Variants in C8orf34 observed in about 807,000 individuals in gnomAD.
The protein encoded by C8orf34 is chromosome 8 open reading frame 34.
C8orf34 carries 65 observed loss-of-function variants against 68.3 expected under a neutral mutation model. The ratio of observed to expected loss-of-function variants is 0.95; its 90% CI spans 0.78 to 1.17. The LOEUF (loss-of-function observed/expected upper bound fraction) is 1.17. C8orf34 is among the 50% of genes most tolerant of loss of function. The pLI, the probability that C8orf34 is intolerant of heterozygous loss-of-function variation, is 0.00. For synonymous variants in C8orf34, 244 were observed against 241.2 expected, an observed-to-expected ratio of 1.01 and a Z score of -0.11; for missense variants, 664 against 655.4, an observed-to-expected ratio of 1.01 and a Z score of -0.14.
Position 68,757,624 on chromosome 8 carries a change from A to AAAAT in C8orf34, c.1405-18751_1405-18748dup, listed in dbSNP as rs150094375. 8.4e-4 allele frequency among the ~76,000 whole-genome samples: 127 copies of AAAAT among 151,942 alleles called. 1 individual carries two copies. Among genetic ancestry groups the AAAAT allele is most frequent in the East Asian group, 2.2e-3 (11 of 5,062 alleles). ...CAATAGAGTGAGACTCCGTCTCAAA[A>AAAAT]AAATAAATAAATAAATAAATAAATA... On this transcript the variant is annotated intron_variant, in intron 10 of 13. Transcript: ENST00000518698.
chr8:68,775,669 C>T (rs1477491172), intron 10 of C8orf34, among the ~76,000 whole-genome samples: 1 of 152,178 alleles, frequency 6.6e-6, no homozygotes, highest in Non-Finnish European at 1.5e-5. Flanking sequence ...GATCGTCACA[C>T]AAATTTATAG....
intron 9 of C8orf34, among the ~76,000 whole-genome samples, chr8:68,710,668 C>A (rs2130967417): frequency 6.6e-6 from 1 of 152,298 alleles, no homozygotes; most frequent in East Asian, 1.9e-4. Flanking sequence ...CCTATCTCTG[C>A]TCCCAACTGG....
chr8:68,751,893 T>C (rs920928844), intron 10 of C8orf34, among the ~76,000 whole-genome samples: 1 of 151,512 alleles, frequency 6.6e-6, no homozygotes, highest in Non-Finnish European at 1.5e-5. Context: ...ATTATTATAT[T>C]ACAAATAAAC....
intron 1 of C8orf34, among the ~76,000 whole-genome samples, chr8:68,436,658 T>C (rs960711388): frequency 2.0e-5 from 3 of 152,202 alleles, no homozygotes; most frequent in African/African-American, 7.2e-5. Flanking sequence ...TGCCGTTTCC[T>C]ACTGGTGTTC....
At chr8:68,365,133 C>T in intron 1 of C8orf34, among the ~76,000 whole-genome samples, 1 of 143,392 alleles carries the variant, frequency 7.0e-6, no homozygotes, top group East Asian at 2.2e-4. Flanking sequence ...CGCAAATAAA[C>T]TAGAAAATCT....
intron 7 of C8orf34, among the ~76,000 whole-genome samples, chr8:68,617,943 T>C (rs1343835866): frequency 6.6e-6 from 1 of 152,206 alleles, no homozygotes; most frequent in East Asian, 1.9e-4. Context: ...AGATTTGGTC[T>C]TTTCACATAG....
chr8:68,440,907 C>T (rs913081664), intron 2 of C8orf34, among the ~76,000 whole-genome samples: 1 of 151,924 alleles, frequency 6.6e-6, no homozygotes, highest in Non-Finnish European at 1.5e-5. Flanking sequence ...TGGGTTCACG[C>T]CATTCTCCTG....
Position 68,690,026 on chromosome 8 carries a change from T to A in C8orf34, c.1242-18968T>A, listed in dbSNP as rs576406880. ...TGGTCTTATTTTGGAATTTGACACA[T>A]TTTCCAAATTTATCATATTGCCTCA... On this transcript the variant is annotated intron_variant, in intron 8 of 13. Transcript: ENST00000518698. Among the ~76,000 whole-genome samples, 121 of 152,162 alleles carry A rather than the reference T, an allele frequency of 8.0e-4. 1 individual carries two copies. The highest frequency in any genetic ancestry group is 2.8e-3 in the African/African-American group (118 of 41,554).
At chr8:68,742,887 T>C (rs1205840875) in intron 10 of C8orf34, among the ~76,000 whole-genome samples, 3 of 152,232 alleles carry the variant, frequency 2.0e-5, no homozygotes, top group African/African-American at 4.8e-5. Context: ...TTTTTCTTCC[T>C]GAAGTTCCTG....
intron 1 of C8orf34, among the ~76,000 whole-genome samples, chr8:68,349,398 G>A (rs1197090439): frequency 6.6e-6 from 1 of 151,988 alleles, no homozygotes; most frequent in East Asian, 1.9e-4. Flanking sequence ...GAGAATTTTT[G>A]CACTGATATT....
chr8:68,818,196 T>C (rs902781463), intron 13 of C8orf34, 43 bp from the exon 14 acceptor site: 1 of 1,605,400 alleles, frequency 6.2e-7, no homozygotes, highest in African/African-American at 1.3e-5. Context: ...AATGTAAACA[T>C]GTTATTAAGC....
intron 1 of C8orf34, among the ~76,000 whole-genome samples, chr8:68,395,651 A>G (rs1008954515): frequency 6.6e-6 from 1 of 152,184 alleles, no homozygotes; most frequent in Non-Finnish European, 1.5e-5. Flanking sequence ...ATGAAAGCTA[A>G]GATCCTTGTG....
intron 1 of C8orf34, among the ~76,000 whole-genome samples, chr8:68,382,982 T>C (rs1040742259): frequency 6.6e-6 from 1 of 152,158 alleles, no homozygotes; most frequent in African/African-American, 2.4e-5. Context: ...AAATGAAAGC[T>C]CCACTCTCAT....
At chr8:68,565,925 C>T (rs954189300) in intron 7 of C8orf34, among the ~76,000 whole-genome samples, 2 of 152,022 alleles carry the variant, frequency 1.3e-5, no homozygotes, top group Admixed American at 6.6e-5. Context: ...AAACAGGAAT[C>T]GCTTGAAGGA....
intron 8 of C8orf34, among the ~76,000 whole-genome samples, chr8:68,677,861 T>G (rs1010918086): frequency 2.0e-5 from 3 of 150,560 alleles, no homozygotes; most frequent in Non-Finnish European, 4.4e-5. Context: ...ACAAAAGGAG[T>G]GACAACCCAA....
At chr8:68,678,054 A>G (rs1380491044) in intron 8 of C8orf34, among the ~76,000 whole-genome samples, 2 of 152,210 alleles carry the variant, frequency 1.3e-5, no homozygotes, top group Admixed American at 1.3e-4. Context: ...GAACCTAAAC[A>G]GACCAATAGT....
chr8:68,560,500 T>G (rs1816389516), intron 7 of C8orf34, among the ~76,000 whole-genome samples: 2 of 152,196 alleles, frequency 1.3e-5, no homozygotes, highest in African/African-American at 4.8e-5. Context: ...AAATGCATCC[T>G]TACCAGATTT....
At chr8:68,691,584 T>C (rs909106291) in intron 8 of C8orf34, among the ~76,000 whole-genome samples, 2 of 152,128 alleles carry the variant, frequency 1.3e-5, no homozygotes, top group Non-Finnish European at 2.9e-5. Context: ...TAGTTGTTTT[T>C]GTGGAGTTCA....
At chr8:68,395,356 G>GTC (rs35940049) in intron 1 of C8orf34, among the ~76,000 whole-genome samples, 128 of 54,248 alleles carry the variant, frequency 2.4e-3, no homozygotes, top group Middle Eastern at 8.6e-3. Context: ...CTCTCTGTGT[G>GTC]TCTCTCACAC....
Sources: gnomAD v4.1 joint callset for allele counts (sites outside exome capture counted in the v4.1 genomes callset) on GRCh38, gnomAD v4.1.1 for gene constraint, MANE v1.5 for transcripts, NCBI Gene and HGNC (gene_info 2026-07-23, HGNC 2026-07-21) for gene names.